The following NPAS3 variants were observed in gnomAD, a reference collection of about 807,000 sequenced individuals.
The protein encoded by NPAS3 is neuronal PAS domain protein 3.
Under a neutral mutation model 73.1 loss-of-function variants are expected in NPAS3, and 14 were observed. The ratio of observed to expected loss-of-function variants is 0.19; its 90% CI spans 0.13 to 0.30. The LOEUF (loss-of-function observed/expected upper bound fraction) is 0.30, where lower values mean the gene tolerates loss of function less well. NPAS3 is among the 10% of genes least tolerant of loss of function. The pLI, the probability that NPAS3 is intolerant of heterozygous loss-of-function variation, is 1.00. For synonymous variants in NPAS3, 620 were observed against 541.5 expected, an observed-to-expected ratio of 1.14 and a Z score of -2.01; for missense variants, 1,096 against 1,250.0, an observed-to-expected ratio of 0.88 and a Z score of 1.86.
Position 33,314,517 on chromosome 14 carries a change from C to T in NPAS3, c.386-52669C>T, listed in dbSNP as rs149987496. ...CTGACACATGGTGAGGATCAATACA[C>T]GGTGGTGGTGGTGGTGATTATTTAA... On this transcript the variant is annotated intron_variant, in intron 3 of 11. Coordinates refer to ENST00000356141, the Ensembl canonical transcript of NPAS3. Among the ~76,000 whole-genome samples, 1,451 of 151,948 alleles carry T rather than the reference C, an allele frequency of 9.5e-3. 18 individuals are homozygous for T. Among genetic ancestry groups the T allele is most frequent in the African/African-American group, 0.025 (1,030 of 41,450 alleles).
At chr14:33,563,360 C>T (rs989289250) in intron 5 of NPAS3, among the ~76,000 whole-genome samples, 6 of 151,704 alleles carry the variant, frequency 4.0e-5, no homozygotes, top group Non-Finnish European at 5.9e-5. Context: ...CTCTTTGACT[C>T]TCCCTTGGGT....
chr14:33,271,666 T>C (rs1056496933), intron 3 of NPAS3, among the ~76,000 whole-genome samples: 1 of 152,134 alleles, frequency 6.6e-6, no homozygotes, highest in African/African-American at 2.4e-5. Context: ...TTTTAAAAAA[T>C]TCCTCCCTGG....
At chr14:33,270,083 G>A (rs904335944) in intron 3 of NPAS3, among the ~76,000 whole-genome samples, 4 of 152,100 alleles carry the variant, frequency 2.6e-5, no homozygotes, top group South Asian at 2.1e-4. Context: ...GAGCTCTGGA[G>A]CAGAAACTCT....
chr14:33,307,708 C>A (rs151241803), intron 3 of NPAS3, among the ~76,000 whole-genome samples: 1 of 150,934 alleles, frequency 6.6e-6, no homozygotes, highest in Non-Finnish European at 1.5e-5. Flanking sequence ...AGTTTGTGGT[C>A]GGAGATGATA....
chr14:33,280,568 G>A (rs547831218), intron 3 of NPAS3, among the ~76,000 whole-genome samples: 2 of 152,096 alleles, frequency 1.3e-5, no homozygotes, highest in Non-Finnish European at 2.9e-5. Context: ...AATAGTAAAG[G>A]CTGCTTTACT....
At chr14:33,193,492 G>A (rs757326122) in intron 2 of NPAS3, among the ~76,000 whole-genome samples, 1 of 152,144 alleles carries the variant, frequency 6.6e-6, no homozygotes, top group East Asian at 1.9e-4. Context: ...AAATGTACAG[G>A]CTGGAGGATG....
intron 2 of NPAS3, among the ~76,000 whole-genome samples, chr14:33,098,336 G>C (rs2042483178): frequency 6.6e-6 from 1 of 152,134 alleles, no homozygotes; most frequent in African/African-American, 2.4e-5. Flanking sequence ...TTTAGTATAG[G>C]ATTGTAGAGA....
At chr14:33,442,470 T>C (rs374157004) in intron 4 of NPAS3, among the ~76,000 whole-genome samples, 4 of 152,274 alleles carry the variant, frequency 2.6e-5, no homozygotes, top group African/African-American at 9.6e-5. Flanking sequence ...TTTGGCTGTG[T>C]CCCAAATCTC....
intron 1 of NPAS3, among the ~76,000 whole-genome samples, chr14:32,942,054 T>A (rs1179125097): frequency 6.6e-6 from 1 of 152,246 alleles, no homozygotes; most frequent in Non-Finnish European, 1.5e-5. Flanking sequence ...ATTTGCACAT[T>A]GTGCCTAGAA....
At chr14:33,044,969 T>C (rs1373245423) in intron 1 of NPAS3, among the ~76,000 whole-genome samples, 1 of 152,174 alleles carries the variant, frequency 6.6e-6, no homozygotes, top group Non-Finnish European at 1.5e-5. Context: ...TTCTCTTCTA[T>C]TGCTCTAACA....
At chr14:32,959,890 A>G (rs1378223778) in intron 1 of NPAS3, among the ~76,000 whole-genome samples, 1 of 152,180 alleles carries the variant, frequency 6.6e-6, no homozygotes, top group Admixed American at 6.5e-5. Context: ...GACTGAAGTC[A>G]GGTAGCTTAT....
chr14:33,079,656 G>C lies in NPAS3; in HGVS notation c.140+23662G>C, dbSNP rs527552924. Among the ~76,000 whole-genome samples the C allele has an allele frequency of 3.3e-5, 4 of 121,662 alleles. 1 individual carries two copies. The Middle Eastern group carries it at 0.038, about 1,148-fold the overall frequency. 79.8% of individuals were successfully genotyped at this position (121,662 alleles called of 152,430 possible). Reference sequence around the variant, plus strand: ...TTTGACAATTTCGCTCTGTCATGCAGGCTGGAGTGCAGTGGTGCCATCTCG... The same window carrying C: ...TTTGACAATTTCGCTCTGTCATGCACGCTGGAGTGCAGTGGTGCCATCTCG... On this transcript the variant is annotated intron_variant, in intron 2 of 11. Coordinates refer to ENST00000356141, the Ensembl canonical transcript of NPAS3.
intron 5 of NPAS3, among the ~76,000 whole-genome samples, chr14:33,675,060 T>C (rs896167894): frequency 7.1e-5 from 9 of 127,050 alleles, no homozygotes; most frequent in Admixed American, 6.7e-4. Context: ...GGGTTCTAGG[T>C]AAATATCCAC....
intron 3 of NPAS3, among the ~76,000 whole-genome samples, chr14:33,350,485 T>G (rs572528159): frequency 2.0e-5 from 3 of 152,366 alleles, no homozygotes; most frequent in South Asian, 2.1e-4. Context: ...TGCTTCCTTT[T>G]GAATCCAAAT....
At chr14:33,719,801 C>G (rs1371393128) in intron 6 of NPAS3, among the ~76,000 whole-genome samples, 1 of 152,158 alleles carries the variant, frequency 6.6e-6, no homozygotes, top group Admixed American at 6.5e-5. Context: ...TTGTCTTGCT[C>G]TTTGTCCTCA....
intron 6 of NPAS3, among the ~76,000 whole-genome samples, chr14:33,728,321 C>T (rs935055772): frequency 7.2e-5 from 11 of 152,122 alleles, no homozygotes; most frequent in East Asian, 3.8e-4. Context: ...TTATTTTTAA[C>T]GTTACTGTTA....
rs75282924 is a variant in NPAS3 at position 33,311,228 on chromosome 14, G to A, written c.386-55958G>A. 9.5e-3 allele frequency among the ~76,000 whole-genome samples: 1,447 copies of A among 152,074 alleles called. 88 individuals carry two copies. The East Asian group carries it at 0.14, about 15-fold the overall frequency. On this transcript the variant is annotated intron_variant, in intron 3 of 11. Coordinates refer to ENST00000356141, the Ensembl canonical transcript of NPAS3. ...TTTGGCAAAGTGCTCTCAGTATTTC[G>A]AAATAATAATAGAAAAATCAGAAAT...
chr14:33,204,725 C>T (rs1432259317), intron 2 of NPAS3, among the ~76,000 whole-genome samples: 4 of 152,134 alleles, frequency 2.6e-5, no homozygotes, highest in African/African-American at 9.7e-5. Context: ...ACCCTAGCTG[C>T]ATTCTAACGG....
At chr14:33,426,591 G>T (rs2048564969) in intron 4 of NPAS3, among the ~76,000 whole-genome samples, 1 of 151,944 alleles carries the variant, frequency 6.6e-6, no homozygotes. Flanking sequence ...CATGAGCGAG[G>T]ATACTTAGGA....
Sources: allele counts gnomAD v4.1 joint callset (sites outside exome capture counted in the v4.1 genomes callset), GRCh38; gene constraint gnomAD v4.1.1; transcripts MANE v1.5; gene names NCBI Gene and HGNC (gene_info 2026-07-23, HGNC 2026-07-21).